Variants in SYNPR observed in about 807,000 individuals in gnomAD.
SYNPR encodes synaptoporin.
A neutral mutation model predicts 32.9 loss-of-function variants in SYNPR; 23 were observed. That is an observed-to-expected ratio of 0.70 (90% CI 0.50 to 0.99). The LOEUF (loss-of-function observed/expected upper bound fraction) is 0.99. Ranked by LOEUF, SYNPR falls within the 50% of genes least tolerant of loss-of-function variation. The probability of loss-of-function intolerance (pLI) is 0.00; values close to 1 mark genes in which losing one functional copy is unlikely to be tolerated. For synonymous variants in SYNPR, 146 were observed against 135.9 expected (o/e 1.07, Z -0.52); for missense variants, 318 against 349.3 (o/e 0.91, Z 0.71).
intron 2 of SYNPR, among the ~76,000 whole-genome samples, chr3:63,387,914 A>G (rs1344614260): frequency 6.6e-6 from 1 of 152,174 alleles, no homozygotes; most frequent in East Asian, 1.9e-4. Context: ...GACTGAAGAA[A>G]TGGATCAGAG....
Position 63,479,457 on chromosome 3 carries a change from T to TGCGCGCGCAC in SYNPR, c.85-1375_85-1374insGCGCGCGCAC, listed in dbSNP as rs1701001585. ...ACTGCCACACACATGCACACACACA[T>TGCGCGCGCAC]ACACACACACACACGTGACTCACAA... is the stretch of plus-strand genomic sequence containing the variant. On this transcript the variant is annotated intron_variant, in intron 2 of 5. Transcript: ENST00000478300. Among the ~76,000 whole-genome samples the TGCGCGCGCAC allele has an allele frequency of 2.6e-5, 4 of 151,090 alleles. No homozygotes were observed. In the East Asian group the frequency reaches 7.8e-4, roughly 30 times the overall value.
chr3:63,355,629 G>A (rs1575608374), intron 2 of SYNPR, among the ~76,000 whole-genome samples: 1 of 152,120 alleles, frequency 6.6e-6, no homozygotes, highest in Admixed American at 6.5e-5. Flanking sequence ...AACTTCTGAT[G>A]CACCGGTCCC....
At chr3:63,358,156 T>C (rs1487640194) in intron 2 of SYNPR, among the ~76,000 whole-genome samples, 1 of 152,244 alleles carries the variant, frequency 6.6e-6, no homozygotes, top group African/African-American at 2.4e-5. Context: ...TGTTGAATGA[T>C]GAATTCATTT....
chr3:63,614,237 C>T (rs567814654), intron 5 of SYNPR, among the ~76,000 whole-genome samples: 1 of 152,318 alleles, frequency 6.6e-6, no homozygotes, highest in Admixed American at 6.5e-5. Context: ...CTACTGTTAC[C>T]TGTCTCCATT....
chr3:63,396,895 GA>G (rs1306287282), intron 2 of SYNPR, among the ~76,000 whole-genome samples: 3 of 152,140 alleles, frequency 2.0e-5, no homozygotes, highest in Non-Finnish European at 4.4e-5. Context: ...ACGAGGTCAG[GA>G]GATCGAGACC....
At chr3:63,598,733 CT>C (rs1699996535) in intron 4 of SYNPR, among the ~76,000 whole-genome samples, 1 of 152,094 alleles carries the variant, frequency 6.6e-6, no homozygotes, top group African/African-American at 2.4e-5. Context: ...TTTGGAAGCA[CT>C]GAAGCACATT....
rs751071327 is a variant in SYNPR, at chr3:63,408,194, GAGGAAGGA to G, written c.85-72608_85-72601del. On this transcript the variant is annotated intron_variant, in intron 2 of 5. Transcript: ENST00000478300. Reference sequence around the variant, plus strand: ...AGAAAGAAAGAAAGAAAGAAAGAAAGAGGAAGGAAGGAAGGAAGGAAGGAAGGAAGGAA... The same window carrying G: ...AGAAAGAAAGAAAGAAAGAAAGAAAGAGGAAGGAAGGAAGGAAGGAAGGAA... Among the ~76,000 whole-genome samples, 39 of 50,152 alleles carry G rather than the reference GAGGAAGGA, an allele frequency of 7.8e-4. 2 individuals are homozygous for G. The highest frequency in any genetic ancestry group is 3.5e-3 in the African/African-American group (31 of 8,886). 32.9% of individuals were successfully genotyped at this position (50,152 alleles called of 152,430 possible). A position where few individuals can be genotyped will look rare whatever the true frequency, so the allele number is the denominator to read the frequency against.
chr3:63,254,171 G>A (rs1040251779), intron 2 of SYNPR, among the ~76,000 whole-genome samples: 4 of 152,084 alleles, frequency 2.6e-5, no homozygotes, highest in Admixed American at 6.5e-5. Context: ...CGTGTTGTGG[G>A]GTGGGGGGAG....
chr3:63,575,154 T>C (rs746961091), intron 4 of SYNPR, among the ~76,000 whole-genome samples: 27 of 152,128 alleles, frequency 1.8e-4, no homozygotes, highest in Non-Finnish European at 3.5e-4. Context: ...GAGTATTAGA[T>C]GTATAGCAGA....
At chr3:63,615,171 T>C in intron 5 of SYNPR, 53 bp from the exon 6 acceptor site, 1 of 1,567,238 alleles carries the variant, frequency 6.4e-7, no homozygotes, top group African/African-American at 1.4e-5. Context: ...AATTGAAATT[T>C]TTCTTGGGTT....
chr3:63,522,678 C>T (rs952451986), intron 3 of SYNPR, among the ~76,000 whole-genome samples: 11 of 152,048 alleles, frequency 7.2e-5, no homozygotes, highest in African/African-American at 1.7e-4. Flanking sequence ...CAAATAAGCT[C>T]GAGGATGTGT....
chr3:63,224,383 TGTC>T (rs2086113944), upstream of SYNPR, among the ~76,000 whole-genome samples: 1 of 152,208 alleles, frequency 6.6e-6, no homozygotes, highest in South Asian at 2.1e-4. Context: ...ATGGAAAAAT[TGTC>T]TTCTGTGAAA....
At chr3:63,403,855 A>T (rs1169757173) in intron 2 of SYNPR, among the ~76,000 whole-genome samples, 1 of 152,222 alleles carries the variant, frequency 6.6e-6, no homozygotes, top group East Asian at 1.9e-4. Context: ...AGCCTCATCA[A>T]AAAACTGTGC....
At position 63,609,301 on chromosome 3, in the gene SYNPR, C is replaced by G; in HGVS notation, c.585C>G (p.Ser195Arg). The G allele has an allele frequency of 6.3e-7, 1 of 1,582,408 alleles. No homozygotes were observed. Among genetic ancestry groups the G allele is most frequent in the Middle Eastern group, 1.7e-4 (1 of 6,022 alleles). Residue 195 changes from serine to arginine, a missense_variant, in exon 5 of 6, where the codon AGC becomes AGG. Coordinates refer to ENST00000478300, the MANE Select transcript of SYNPR (RefSeq NM_001130003.2). ...CMAIHSPVMS[S>R]LNTSVVFGFL... ...CTATCCACAGCCCTGTTATGTCAAG[C>G]TTAAACACTTCTGTGGTAAGTATTT...
At chr3:63,398,758 A>G (rs1350450815) in intron 2 of SYNPR, among the ~76,000 whole-genome samples, 1 of 151,856 alleles carries the variant, frequency 6.6e-6, no homozygotes, top group Non-Finnish European at 1.5e-5. Context: ...AGAGGAATGT[A>G]TTCAGAAGAT....
chr3:63,454,985 AACTTT>A (rs1169322576), intron 2 of SYNPR, among the ~76,000 whole-genome samples: 2 of 152,148 alleles, frequency 1.3e-5, no homozygotes, highest in African/African-American at 4.8e-5. Flanking sequence ...TTCCAAACTC[AACTTT>A]ACTTAAGTTT....
intron 2 of SYNPR, among the ~76,000 whole-genome samples, chr3:63,289,730 A>C (rs1210190084): frequency 1.3e-5 from 2 of 152,210 alleles, no homozygotes; most frequent in Non-Finnish European, 2.9e-5. Context: ...GACGATCATA[A>C]AGTAAACACA....
chr3:63,592,547 C>T (rs1699856516), intron 4 of SYNPR, among the ~76,000 whole-genome samples: 1 of 151,878 alleles, frequency 6.6e-6, no homozygotes, highest in Non-Finnish European at 1.5e-5. Flanking sequence ...GGTTAGGAAC[C>T]TGTAGGAAGG....
intron 2 of SYNPR, among the ~76,000 whole-genome samples, chr3:63,464,471 T>A (rs143703954): frequency 0.014 from 2,110 of 152,268 alleles, 41 homozygotes; most frequent in African/African-American, 0.048. Context: ...CCACTTTTTT[T>A]CTACTTCCTC....
Sources: allele counts gnomAD v4.1 joint callset (sites outside exome capture counted in the v4.1 genomes callset), GRCh38; gene constraint gnomAD v4.1.1; transcripts MANE v1.5; gene names NCBI Gene and HGNC (gene_info 2026-07-23, HGNC 2026-07-21).